The following BCL11A variants were observed in gnomAD, a reference collection of about 807,000 sequenced individuals.
BCL11A encodes the protein BCL11 transcription factor A, also known as B cell CLL/lymphoma 11A.
BCL11A carries 2 observed loss-of-function variants against 55.9 expected under a neutral mutation model. The ratio of observed to expected loss-of-function variants is 0.04; its 90% CI spans 0.01 to 0.11. The LOEUF is 0.11. Ranked by LOEUF, BCL11A falls within the 10% of genes least tolerant of loss-of-function variation. The pLI is 1.00. For synonymous variants in BCL11A, 465 were observed against 473.4 expected (o/e 0.98, Z 0.23); for missense variants, 817 against 1,137.1 (o/e 0.72, Z 4.05).
At chr2:60,491,094 CAG>C (rs1218990804) in intron 2 of BCL11A, among the ~76,000 whole-genome samples, 1 of 152,172 alleles carries the variant, frequency 6.6e-6, no homozygotes, top group East Asian at 1.9e-4. Flanking sequence ...TAAAGTCTGA[CAG>C]AGTTACCAAA....
At chr2:60,462,514 T>A in intron 3 of BCL11A, 90 bp from the exon 4 acceptor site, 2 of 1,510,122 alleles carry the variant, frequency 1.3e-6, no homozygotes, top group Non-Finnish European at 1.8e-6. Context: ...CAGCCTTCCC[T>A]GCCCCCACCC....
chr2:60,522,095 A>T (rs1669022198), intron 2 of BCL11A: 1 of 152,262 alleles, frequency 6.6e-6, no homozygotes, highest in Non-Finnish European at 1.5e-5. Flanking sequence ...GCTCTCCACC[A>T]GTCAGGCAAT....
chr2:60,473,325 C>T (rs1677323693), intron 2 of BCL11A, among the ~76,000 whole-genome samples: 1 of 151,670 alleles, frequency 6.6e-6, no homozygotes, highest in South Asian at 2.1e-4. Context: ...ACTGTGACCC[C>T]CTTTCTTTCA....
At chr2:60,452,843 T>G, downstream of BCL11A, 4 of 559,662 alleles carry the variant, frequency 7.1e-6, no homozygotes, top group Non-Finnish European at 9.6e-6. Flanking sequence ...CAAGTATCTC[T>G]GACCTCTGAG....
At chr2:60,532,312 GC>G (rs1391224707) in intron 2 of BCL11A, among the ~76,000 whole-genome samples, 52 of 146,784 alleles carry the variant, frequency 3.5e-4, no homozygotes. Context: ...GGTGGTTGTT[GC>G]TTTTTGGTTT....
At chr2:60,528,993 C>T (rs1263512485) in intron 2 of BCL11A, among the ~76,000 whole-genome samples, 1 of 152,182 alleles carries the variant, frequency 6.6e-6, no homozygotes, top group Non-Finnish European at 1.5e-5. Flanking sequence ...GAAATCTGAA[C>T]CCAGAGTAAC....
chr2:60,541,379 G>A (rs891293576), intron 2 of BCL11A, among the ~76,000 whole-genome samples: 5 of 151,994 alleles, frequency 3.3e-5, no homozygotes, highest in South Asian at 2.1e-4. Flanking sequence ...GCAGCCATGC[G>A]GGCCACTGTG....
At chr2:60,467,695 G>GGTA (rs1676858326) in intron 3 of BCL11A, among the ~76,000 whole-genome samples, 2 of 84,560 alleles carry the variant, frequency 2.4e-5, no homozygotes, top group Non-Finnish European at 2.5e-5. Flanking sequence ...TGGTGGTGGT[G>GGTA]GTGATGGTAC....
chr2:60,509,842 T>C (rs904921591), intron 2 of BCL11A, among the ~76,000 whole-genome samples: 3 of 152,086 alleles, frequency 2.0e-5, no homozygotes, highest in African/African-American at 7.2e-5. Context: ...ACTGAAGTCC[T>C]GAAGTGGTGA....
intron 3 of BCL11A, among the ~76,000 whole-genome samples, chr2:60,468,162 T>C (rs947942526): frequency 1.3e-5 from 2 of 151,796 alleles, no homozygotes; most frequent in African/African-American, 2.4e-5. Flanking sequence ...GTGGTGATAG[T>C]AGAGCCTTCA....
intron 2 of BCL11A, among the ~76,000 whole-genome samples, chr2:60,514,314 C>A (rs913263347): frequency 1.3e-5 from 2 of 152,156 alleles, no homozygotes; most frequent in East Asian, 3.8e-4. Flanking sequence ...CCCTACCAGG[C>A]AACCCATTTC....
chr2:60,525,425 T>C (rs1387045524), intron 2 of BCL11A: 3 of 152,240 alleles, frequency 2.0e-5, no homozygotes, highest in Non-Finnish European at 4.4e-5. Flanking sequence ...ATTTGAAAGA[T>C]GCCTTTAAGC....
At chr2:60,467,811 T>TG (rs1676885695) in intron 3 of BCL11A, among the ~76,000 whole-genome samples, 7 of 110,778 alleles carry the variant, frequency 6.3e-5, no homozygotes, top group African/African-American at 2.4e-4. Context: ...GTGGTGATGG[T>TG]ACTGGTGGTG....
chr2:60,462,921 C>A (rs967105102), intron 3 of BCL11A, among the ~76,000 whole-genome samples: 1 of 152,186 alleles, frequency 6.6e-6, no homozygotes, highest in Non-Finnish European at 1.5e-5. Context: ...GCAAACATTT[C>A]ATAGAGGTAT....
chr2:60,513,378 G>A (rs1668575935), intron 2 of BCL11A, among the ~76,000 whole-genome samples: 1 of 152,166 alleles, frequency 6.6e-6, no homozygotes, highest in Non-Finnish European at 1.5e-5. Flanking sequence ...TCTGCCGGGT[G>A]CTTCTGGAGA....
At chr2:60,465,650 C>T (rs1676561772) in intron 3 of BCL11A, among the ~76,000 whole-genome samples, 1 of 152,182 alleles carries the variant, frequency 6.6e-6, no homozygotes, top group South Asian at 2.1e-4. Context: ...TAGATTGTAA[C>T]TCTGGGATAG....
At chr2:60,452,861 C>T, downstream of BCL11A, 1 of 533,250 alleles carries the variant, frequency 1.9e-6, no homozygotes, top group South Asian at 2.1e-5. Flanking sequence ...GAGTCGTCTT[C>T]CCATGCCTCC....
rs761489210 is a variant in BCL11A, at chr2:60,461,667, G to A, written c.1245C>T (p.Thr415=). 6.2e-7 allele frequency: 1 copy of A among 1,613,980 alleles called. No homozygotes were observed. The highest frequency in any genetic ancestry group is 2.2e-5 in the East Asian group (1 of 44,870). Residue 415 remains threonine (T), a synonymous_variant, in exon 4 of 4, where the codon ACC becomes ACT. Coordinates refer to ENST00000642384, the MANE Select transcript of BCL11A (RefSeq NM_022893.4). The part of the protein sequence containing the change: ...YKCNLCDHAC[T]QASKLKRHMK... ...TGTGGCGCTTCAGCTTGCTGGCCTGGGTGCACGCGTGGTCGCACAGGTTGC... is the reference window on the plus strand; with the variant it reads ...TGTGGCGCTTCAGCTTGCTGGCCTGAGTGCACGCGTGGTCGCACAGGTTGC...
intron 2 of BCL11A, among the ~76,000 whole-genome samples, chr2:60,502,954 C>A (rs1367228007): frequency 1.3e-5 from 2 of 152,220 alleles, no homozygotes; most frequent in African/African-American, 4.8e-5. Context: ...AGCCAGACTT[C>A]TTTCTTGCTC....
Sources: gnomAD v4.1 joint callset for allele counts (sites outside exome capture counted in the v4.1 genomes callset) on GRCh38, gnomAD v4.1.1 for gene constraint, MANE v1.5 for transcripts, NCBI Gene and HGNC (gene_info 2026-07-23, HGNC 2026-07-21) for gene names.